IL1R1: variants seen among roughly 807,000 people sequenced by gnomAD.
The protein encoded by IL1R1 is interleukin-1 receptor type 1.
A neutral mutation model predicts 50.2 loss-of-function variants in IL1R1; 22 were observed. The observed-to-expected ratio is 0.44, with a 90% CI of 0.31 to 0.63. The LOEUF is 0.63. IL1R1 is among the 20% of genes least tolerant of loss of function. The pLI is 0.07. For missense variants in IL1R1, 509 were observed against 676.2 expected (o/e 0.75, Z 2.74); for synonymous variants, 251 against 236.7 (o/e 1.06, Z -0.55).
chr2:102,166,378 C>A, intron 6 of IL1R1, 97 bp downstream of exon 6: 1 of 884,498 alleles, frequency 1.1e-6, no homozygotes, highest in Non-Finnish European at 1.6e-6. Context: ...AAACCAAATC[C>A]AAGACGACCT....
chr2:102,121,530 A>T (rs1021698311), intron 1 of IL1R1, among the ~76,000 whole-genome samples: 1 of 152,030 alleles, frequency 6.6e-6, no homozygotes, highest in Non-Finnish European at 1.5e-5. Context: ...CCTTCTGCAG[A>T]TCTTCCCTCT....
chr2:102,132,809 C>T (rs2104419482), intron 1 of IL1R1, among the ~76,000 whole-genome samples: 1 of 152,184 alleles, frequency 6.6e-6, no homozygotes. Flanking sequence ...TAAGGGAATA[C>T]TAGGAACAAA....
chr2:102,164,197 C>T (rs767788761), intron 3 of IL1R1, among the ~76,000 whole-genome samples: 17 of 152,000 alleles, frequency 1.1e-4, no homozygotes, highest in Admixed American at 9.8e-4. Flanking sequence ...TTCTGCGTGT[C>T]GTTATGCAGC....
chr2:102,117,792 T>A (rs1363857708), intron 1 of IL1R1, among the ~76,000 whole-genome samples: 3 of 152,094 alleles, frequency 2.0e-5, no homozygotes. Flanking sequence ...GTGTTCCGAG[T>A]GCTTGAGTTT....
intron 1 of IL1R1, among the ~76,000 whole-genome samples, chr2:102,074,817 A>T (rs1678890119): frequency 6.6e-6 from 1 of 152,186 alleles, no homozygotes; most frequent in South Asian, 2.1e-4. Flanking sequence ...TCTGCTCCAG[A>T]TGGAGGATTT....
rs13019803 is a variant in IL1R1 at position 102,159,742 on chromosome 2, C to T, written c.61+1957C>T. 0.14 allele frequency among the ~76,000 whole-genome samples: 21,386 copies of T among 152,138 alleles called. 2,116 individuals are homozygous for T. The highest frequency in any genetic ancestry group is 0.27 in the African/African-American group (11,330 of 41,440). On this transcript the variant is annotated intron_variant, in intron 3 of 11. Transcript: ENST00000410023. ...CCAGTCAAGTCAAAGAGTGGCAGTGCTCTGGAAATGGGACTTTTCGAGGAG... is the reference window on the plus strand; with the variant it reads ...CCAGTCAAGTCAAAGAGTGGCAGTGTTCTGGAAATGGGACTTTTCGAGGAG...
At chr2:102,145,546 A>G (rs1409527452) in intron 1 of IL1R1, among the ~76,000 whole-genome samples, 1 of 152,212 alleles carries the variant, frequency 6.6e-6, no homozygotes, top group African/African-American at 2.4e-5. Flanking sequence ...GGAGACACCT[A>G]TCACTTCCCA....
chr2:102,179,648 G>A lies in IL1R1; in HGVS notation c.*2889G>A, dbSNP rs1686420436. On this transcript the variant is annotated 3_prime_UTR_variant, in exon 12 of 12. Coordinates refer to ENST00000410023, the MANE Select transcript of IL1R1 (RefSeq NM_000877.4). ...GCACAATTTATATTTTCCCTCTCTTGCCTTTCTTATTTGCAATAAAAGGTA... is the reference window on the plus strand; with the variant it reads ...GCACAATTTATATTTTCCCTCTCTTACCTTTCTTATTTGCAATAAAAGGTA... 6.6e-6 allele frequency: 1 copy of A among 152,626 alleles called. No individual in the cohort carries two copies. The highest frequency in any genetic ancestry group is 6.5e-5 in the Admixed American group (1 of 15,268). The allele number at this position is 152,626 out of a possible 1,614,324, so 9.5% of individuals were successfully genotyped here. A position where few individuals can be genotyped will look rare whatever the true frequency, so the allele number is the denominator to read the frequency against.
chr2:102,171,962 C>A (rs774606532), intron 8 of IL1R1, 44 bp downstream of exon 8: 3 of 1,020,104 alleles, frequency 2.9e-6, no homozygotes, highest in South Asian at 3.4e-5. Context: ...TTAAATCCCA[C>A]GTGATATTTT....
intron 1 of IL1R1, among the ~76,000 whole-genome samples, chr2:102,088,031 A>G (rs1204993746): frequency 6.6e-6 from 1 of 152,100 alleles, no homozygotes. Context: ...TTTTCACCAC[A>G]TCTGCAGTTA....
Position 102,093,427 on chromosome 2 carries a change from C to T in IL1R1, c.-84+22894C>T, listed in dbSNP as rs540549033. ...TTTGGGGAAAATGTAAATTTGTTTC[C>T]CAAAGCAGCTGTACCATTTTACATT... On this transcript the variant is annotated intron_variant, in intron 1 of 11. Transcript: ENST00000409929. Among the ~76,000 whole-genome samples, 26 of 152,208 alleles carry T rather than the reference C, an allele frequency of 1.7e-4. No homozygotes were observed. In the South Asian group the frequency reaches 5.2e-3, roughly 30 times the overall value.
chr2:102,093,807 G>A (rs555079270), intron 1 of IL1R1, among the ~76,000 whole-genome samples: 12 of 152,242 alleles, frequency 7.9e-5, no homozygotes, highest in East Asian at 1.9e-4. Context: ...TGGGACCTCC[G>A]CGTGACCCTG....
chr2:102,125,591 GA>G (rs1426204231), intron 1 of IL1R1, among the ~76,000 whole-genome samples: 1 of 152,234 alleles, frequency 6.6e-6, no homozygotes. Flanking sequence ...AAGAAACACA[GA>G]AAGTTGGGCC....
intron 1 of IL1R1, among the ~76,000 whole-genome samples, chr2:102,088,653 C>T (rs2104305733): frequency 1.3e-5 from 2 of 152,330 alleles, no homozygotes; most frequent in South Asian, 4.1e-4. Context: ...AGCTTCAAAA[C>T]CAGACGTTGA....
chr2:102,088,541 A>G (rs765362730), intron 1 of IL1R1, among the ~76,000 whole-genome samples: 1 of 152,228 alleles, frequency 6.6e-6, no homozygotes, highest in Non-Finnish European at 1.5e-5. Flanking sequence ...GCATAGGTAG[A>G]GTAGATGTAG....
Position 102,072,845 on chromosome 2 carries a change from A to G in IL1R1, c.-84+2312A>G, listed in dbSNP as rs149900051. 1.1e-4 allele frequency among the ~76,000 whole-genome samples: 17 copies of G among 152,032 alleles called. No individual in the cohort carries two copies. In the East Asian group the frequency reaches 2.7e-3, roughly 24 times the overall value. ...AAACTATGAGAAATTTTCCTTTACCATTTCCGAGTTTAATGTCATGCTAAG... is the reference window on the plus strand; with the variant it reads ...AAACTATGAGAAATTTTCCTTTACCGTTTCCGAGTTTAATGTCATGCTAAG... On this transcript the variant is annotated intron_variant, in intron 1 of 11. Transcript: ENST00000409929.
intron 1 of IL1R1, among the ~76,000 whole-genome samples, chr2:102,073,469 C>T (rs909785055): frequency 6.6e-6 from 1 of 152,160 alleles, no homozygotes; most frequent in African/African-American, 2.4e-5. Context: ...TGAAAAATCT[C>T]AGTGATGAGT....
intron 11 of IL1R1, 101 bp downstream of exon 11, chr2:102,175,746 T>G (rs1315273327): frequency 6.6e-6 from 7 of 1,061,788 alleles, no homozygotes; most frequent in Admixed American, 1.8e-5. Flanking sequence ...GGGGTATATG[T>G]TTCACAATTT....
At chr2:102,168,225 A>C (rs897640777) in intron 6 of IL1R1, among the ~76,000 whole-genome samples, 7 of 152,330 alleles carry the variant, frequency 4.6e-5, no homozygotes, top group Middle Eastern at 3.4e-3. Context: ...TCTAGTATTG[A>C]CTAGCCCTTC....
Sources: allele counts gnomAD v4.1 joint callset (sites outside exome capture counted in the v4.1 genomes callset), GRCh38; gene constraint gnomAD v4.1.1; transcripts MANE v1.5; gene names NCBI Gene and HGNC (gene_info 2026-07-23, HGNC 2026-07-21).